Variants in NTRK2 observed in about 807,000 individuals in gnomAD.
NTRK2 encodes BDNF/NT-3 growth factors receptor.
Under a neutral mutation model 94.5 loss-of-function variants are expected in NTRK2, and 13 were observed. That is an observed-to-expected ratio of 0.14 (90% CI 0.09 to 0.22). The LOEUF is 0.22. Among genes scored for constraint, NTRK2 ranks in the 10% least tolerant of loss-of-function variants. The pLI is 1.00. For missense variants in NTRK2, 639 were observed against 1,071.2 expected (o/e 0.60, Z 5.63); for synonymous variants, 372 against 407.4 (o/e 0.91, Z 1.05).
At chr9:84,819,612 C>T (rs1188524185) in intron 12 of NTRK2, among the ~76,000 whole-genome samples, 3 of 152,166 alleles carry the variant, frequency 2.0e-5, no homozygotes, top group Non-Finnish European at 4.4e-5. Flanking sequence ...GGTGTCTGAC[C>T]CATGGGGTGC....
At chr9:84,706,527 GTT>G (rs71369141) in intron 4 of NTRK2, among the ~76,000 whole-genome samples, 4 of 81,656 alleles carry the variant, frequency 4.9e-5, no homozygotes, top group Non-Finnish European at 6.4e-5. Context: ...TTTTGTTTTT[GTT>G]TTTTTTTTTT....
At chr9:84,710,537 CT>C in intron 5 of NTRK2, 99 bp from the exon 6 acceptor site, 1 of 1,279,706 alleles carries the variant, frequency 7.8e-7, no homozygotes, top group Non-Finnish European at 1.1e-6. Context: ...CCAAGCATTG[CT>C]GGCTAGAAAG....
chr9:84,872,035 C>T, intron 14 of NTRK2: 2 of 1,446,020 alleles, frequency 1.4e-6, no homozygotes, highest in Admixed American at 4.6e-5. Context: ...AGTACTATGC[C>T]ACTTTAACTA....
At chr9:84,685,392 T>C (rs952361677) in intron 2 of NTRK2, among the ~76,000 whole-genome samples, 5 of 151,940 alleles carry the variant, frequency 3.3e-5, no homozygotes, top group African/African-American at 9.7e-5. Context: ...CTTGAAGTAT[T>C]AGTGTCTTAC....
Position 84,744,976 on chromosome 9 carries a change from A to T in NTRK2, c.1199A>T (p.Tyr400Phe). 1 of 1,611,966 alleles carries T rather than the reference A, an allele frequency of 6.2e-7. No homozygotes were observed. The highest frequency in any genetic ancestry group is 8.5e-7 in the Non-Finnish European group (1 of 1,178,202). ...PNYPDVIYED[Y>F]GTAANDIGDT... ...ATTCCCCCTTTGCCCACTTAAGATT[A>T]TGGAACTGCAGCGAATGACATCGGG... Residue 400 changes from tyrosine (Y) to phenylalanine (F), a missense_variant, in exon 11 of 19, where the codon TAT (tyrosine) becomes TTT (phenylalanine). Tyr to Phe is a conservative substitution (Grantham distance 22). Transcript: ENST00000277120.
chr9:84,977,153 T>G (rs1326493624), intron 17 of NTRK2, among the ~76,000 whole-genome samples: 3 of 152,280 alleles, frequency 2.0e-5, no homozygotes, highest in Non-Finnish European at 4.4e-5. Context: ...ATAACCTTGT[T>G]TTATGTACGT....
chr9:84,745,065 C>T lies in NTRK2; in HGVS notation c.1288C>T (p.His430Tyr), dbSNP rs145968424. The T allele has an allele frequency of 1.5e-4, 235 of 1,612,518 alleles. No homozygotes were observed. Among genetic ancestry groups the T allele is most frequent in the Non-Finnish European group, 1.9e-4 (229 of 1,178,682 alleles). The change falls in exon 11 of 19, where the codon CAT becomes TAT. Residue 430 changes from histidine to tyrosine, a missense_variant. Coordinates refer to ENST00000277120, the MANE Select transcript of NTRK2 (RefSeq NM_006180.6). ...TDVTDKTGRE[H>Y]LSVYAVVVIA... ...CGTCACTGATAAAACCGGTCGGGAA[C>T]ATCTCTCGGTGAGTGGAATAAATAG...
chr9:85,019,611 A>G (rs1832605594), intron 17 of NTRK2, among the ~76,000 whole-genome samples: 2 of 152,234 alleles, frequency 1.3e-5, no homozygotes, highest in African/African-American at 4.8e-5. Flanking sequence ...AATAGAGGAA[A>G]GTCCTGAGCT....
chr9:85,004,140 G>A (rs1231633882), intron 17 of NTRK2, among the ~76,000 whole-genome samples: 1 of 150,974 alleles, frequency 6.6e-6, no homozygotes, highest in Non-Finnish European at 1.5e-5. Context: ...GGAAGGAAGG[G>A]AGGGAGGAAC....
At chr9:84,794,728 C>T (rs1288403719) in intron 12 of NTRK2, among the ~76,000 whole-genome samples, 2 of 152,218 alleles carry the variant, frequency 1.3e-5, no homozygotes, top group African/African-American at 4.8e-5. Flanking sequence ...AGGGGAAATT[C>T]TTGCATATAA....
chr9:84,803,842 A>G (rs1365445736), intron 12 of NTRK2, among the ~76,000 whole-genome samples: 1 of 152,160 alleles, frequency 6.6e-6, no homozygotes, highest in Non-Finnish European at 1.5e-5. Flanking sequence ...AGGTTTCATT[A>G]TCTTTTGCTC....
Position 85,023,774 on chromosome 9 carries a change from T to C in NTRK2, c.*2337T>C, listed in dbSNP as rs1396447923. ...GGGCAGATTTGTACAAAAACTTTTC[T>C]AGATTCCATCAGCAAAAACCAACAC... is the stretch of plus-strand genomic sequence containing the variant. On this transcript the variant is annotated 3_prime_UTR_variant, in exon 19 of 19. Transcript: ENST00000277120. The C allele has an allele frequency of 4.3e-6, 1 of 230,590 alleles. No individual in the cohort carries two copies. Among genetic ancestry groups the C allele is most frequent in the Non-Finnish European group, 8.6e-6 (1 of 116,556 alleles). The allele number at this position is 230,590 out of a possible 1,614,324, so 14.3% of individuals were successfully genotyped here.
At chr9:84,758,626 G>A (rs911531147) in intron 12 of NTRK2, among the ~76,000 whole-genome samples, 1 of 152,132 alleles carries the variant, frequency 6.6e-6, no homozygotes, top group Non-Finnish European at 1.5e-5. Flanking sequence ...CCCGACCTCA[G>A]GTGATCCACC....
At chr9:84,831,781 G>A (rs1427503790) in intron 12 of NTRK2, among the ~76,000 whole-genome samples, 2 of 152,228 alleles carry the variant, frequency 1.3e-5, no homozygotes, top group Non-Finnish European at 2.9e-5. Context: ...ATAATCAACA[G>A]AAGGGGTGGT....
intron 12 of NTRK2, among the ~76,000 whole-genome samples, chr9:84,761,874 C>T (rs1371958331): frequency 2.6e-5 from 4 of 152,152 alleles, no homozygotes; most frequent in African/African-American, 9.6e-5. Context: ...TATGGTTTGG[C>T]TATGTCCCCA....
intron 17 of NTRK2, among the ~76,000 whole-genome samples, chr9:84,982,694 A>G (rs1827785134): frequency 1.3e-5 from 2 of 152,246 alleles, no homozygotes; most frequent in African/African-American, 4.8e-5. Flanking sequence ...TCCATATAAT[A>G]TAAAAATGTA....
chr9:84,931,034 A>G (rs536643992), intron 14 of NTRK2, among the ~76,000 whole-genome samples: 4 of 152,332 alleles, frequency 2.6e-5, no homozygotes, highest in African/African-American at 9.6e-5. Context: ...TAAATCACCA[A>G]TTGTATGCAC....
At chr9:84,987,879 T>C (rs1033898268) in intron 17 of NTRK2, among the ~76,000 whole-genome samples, 2 of 152,242 alleles carry the variant, frequency 1.3e-5, no homozygotes, top group Non-Finnish European at 2.9e-5. Flanking sequence ...ATTAGTGATA[T>C]ATATATTTGC....
At position 84,741,874 on chromosome 9, in the gene NTRK2, C is replaced by T. The variant is rs199857021; in HGVS notation, c.1160-18C>T. 1.2e-5 allele frequency: 20 copies of T among 1,609,838 alleles called. No individual in the cohort carries two copies. In the African/African-American group the frequency reaches 2.1e-4, roughly 17 times the overall value. ...CAAAATGCATACTTACAAATCTTTG[C>T]TCTGTTTTGCCTTTTAGGTGCAAAC... On this transcript the variant is annotated intron_variant, in intron 9 of 18. Transcript: ENST00000277120.
Sources: gnomAD v4.1 joint callset for allele counts (sites outside exome capture counted in the v4.1 genomes callset) on GRCh38, gnomAD v4.1.1 for gene constraint, MANE v1.5 for transcripts, NCBI Gene and HGNC (gene_info 2026-07-23, HGNC 2026-07-21) for gene names.